The following PRMT1 variants were observed in gnomAD, a reference collection of about 807,000 sequenced individuals.
PRMT1 encodes the protein protein arginine methyltransferase 1.
Under a neutral mutation model 47.4 loss-of-function variants are expected in PRMT1, and 5 were observed. The ratio of observed to expected loss-of-function variants is 0.11; its 90% CI spans 0.06 to 0.22. The LOEUF (loss-of-function observed/expected upper bound fraction) is 0.22, where lower values mean the gene tolerates loss of function less well. PRMT1 is among the 10% of genes least tolerant of loss of function. The pLI, the probability that PRMT1 is intolerant of heterozygous loss-of-function variation, is 1.00. For missense variants in PRMT1, 249 were observed against 518.4 expected (o/e 0.48, Z 5.05); for synonymous variants, 227 against 204.6 (o/e 1.11, Z -0.94).
At chr19:49,683,387 C>CAAA (rs2082150552) in intron 5 of PRMT1, among the ~76,000 whole-genome samples, 1 of 151,828 alleles carries the variant, frequency 6.6e-6, no homozygotes, top group African/African-American at 2.4e-5. Context: ...TCAAAACCAC[C>CAAA]CAGTTAAAAA....
In PRMT1 at chr19:49,684,901, C is replaced by A; in HGVS notation, c.644-21C>A. 2 of 1,604,636 alleles carry A rather than the reference C, an allele frequency of 1.2e-6. No homozygotes were observed. The highest frequency in any genetic ancestry group is 1.7e-6 in the Non-Finnish European group (2 of 1,173,730). On this transcript the variant is annotated intron_variant, in intron 7 of 10. Coordinates refer to ENST00000454376, the MANE Select transcript of PRMT1 (RefSeq NM_001536.6). The surrounding 1 kb of genome is among the most constrained non-coding windows in gnomAD (Gnocchi z 6.2). ...CGGGTGGGCTGCTGCGGGCTCACCCCCTCCCTGCCTGCCTCCCCAGGGTGG... is the reference window on the plus strand; with the variant it reads ...CGGGTGGGCTGCTGCGGGCTCACCCACTCCCTGCCTGCCTCCCCAGGGTGG...
At position 49,680,203 on chromosome 19, in the gene PRMT1, T is replaced by A; in HGVS notation, c.90+278T>A. 7 of 1,593,402 alleles carry A rather than the reference T, an allele frequency of 4.4e-6. No individual in the cohort carries two copies. Among genetic ancestry groups the A allele is most frequent in the Non-Finnish European group, 6.0e-6 (7 of 1,167,504 alleles). On this transcript the variant is annotated intron_variant, in intron 2 of 10. Transcript: ENST00000454376. This position sits in a 1 kb window ranked among gnomAD's most constrained non-coding sequence, Gnocchi z 4.2. ...TCCCCTCCCCTCCCCAGCTGTGGGC[T>A]GAGCTAGAGACGGGGTCAGAGAGAC...
Position 49,685,980 on chromosome 19 carries a change from G to T in PRMT1, c.760-113G>T. On this transcript the variant is annotated intron_variant, in intron 8 of 10. Coordinates refer to ENST00000454376, the MANE Select transcript of PRMT1 (RefSeq NM_001536.6). The surrounding 1 kb of genome is among the most constrained non-coding windows in gnomAD (Gnocchi z 4.7). Reference sequence around the variant, plus strand: ...CGAGGCTGGGTGCCAGTGAGGGAGGGCTAGCAGGAAGGGGACAGCGAGGTC... The same window carrying T: ...CGAGGCTGGGTGCCAGTGAGGGAGGTCTAGCAGGAAGGGGACAGCGAGGTC... 1 of 1,503,394 alleles carries T rather than the reference G, an allele frequency of 6.7e-7. No homozygotes were observed. 93.1% of individuals were successfully genotyped at this position (1,503,394 alleles called of 1,614,324 possible).
intron 9 of PRMT1, 31 bp from the exon 10 acceptor site, chr19:49,686,574 C>T: frequency 1.3e-6 from 2 of 1,598,860 alleles, no homozygotes; most frequent in Non-Finnish European, 1.7e-6. Flanking sequence ...GGGCAGCAGG[C>T]CGAGGCCGGC....
rs376472500 is a variant in PRMT1 at position 49,688,149 on chromosome 19, C to T, written c.1033-13C>T. On this transcript the variant is annotated splice_polypyrimidine_tract_variant and intron_variant, in intron 10 of 10. Coordinates refer to ENST00000454376, the MANE Select transcript of PRMT1 (RefSeq NM_001536.6). The surrounding 1 kb of genome is among the most constrained non-coding windows in gnomAD (Gnocchi z 5.3). ...TGGTGGGTTCCGCCCTCATGCCCCA[C>T]CTCTCCCTGCAGCGGGACCTGGACT... The T allele has an allele frequency of 3.7e-6, 6 of 1,613,572 alleles. No homozygotes were observed. In the African/African-American group the frequency reaches 5.3e-5, roughly 14 times the overall value.
chr19:49,680,239 G>A lies in PRMT1; in HGVS notation c.91-248G>A. On this transcript the variant is annotated intron_variant, in intron 2 of 10. Coordinates refer to ENST00000454376, the MANE Select transcript of PRMT1 (RefSeq NM_001536.6). This position sits in a 1 kb window ranked among gnomAD's most constrained non-coding sequence, Gnocchi z 4.2. ...CGGGGTCAGAGAGACTGGAGAGATG[G>A]TAGGCGTGGCTGAGGTATCGGGGTG... 1 of 1,591,714 alleles carries A rather than the reference G, an allele frequency of 6.3e-7. No homozygotes were observed. Among genetic ancestry groups the A allele is most frequent in the Non-Finnish European group, 8.6e-7 (1 of 1,163,504 alleles).
rs1238745399 is a variant in PRMT1 at position 49,684,796 on chromosome 19, G to C, written c.598G>C (p.Val200Leu). 6.3e-7 allele frequency: 1 copy of C among 1,583,872 alleles called. No individual in the cohort carries two copies. The highest frequency in any genetic ancestry group is 2.3e-5 in the East Asian group (1 of 43,204). Residue 200 changes from valine to leucine, a missense_variant, in exon 7 of 11, where the codon GTG becomes CTG. Val to Leu is a conservative substitution (Grantham distance 32). This residue lies in a region of PRMT1 where 190 missense variants were observed against 456.7 expected (regional missense o/e 0.42). Transcript: ENST00000454376. The surrounding 1 kb of genome is among the most constrained non-coding windows in gnomAD (Gnocchi z 6.2). The stretch of plus-strand genomic sequence containing the variant: ...CTTCCCAGACCGGGCCACGCTGTAT[G>C]TGACGGCCATCGAGGACCGGCAGTA... ...LIFPDRATLYVTAIEDRQYKD... is the reference protein window; with the variant it reads ...LIFPDRATLYLTAIEDRQYKD...
Position 49,688,278 on chromosome 19 carries a change from G to A in PRMT1, c.*33G>A. On this transcript the variant is annotated 3_prime_UTR_variant, in exon 11 of 11. Transcript: ENST00000454376. This position sits in a 1 kb window ranked among gnomAD's most constrained non-coding sequence, Gnocchi z 5.3. ...CTCTCCCGCCCTGCACGAGCCCAGGGGCTGAGCGTTCCTAGGCGGTTTCGG... is the reference window on the plus strand; with the variant it reads ...CTCTCCCGCCCTGCACGAGCCCAGGAGCTGAGCGTTCCTAGGCGGTTTCGG... 2 of 1,607,208 alleles carry A rather than the reference G, an allele frequency of 1.2e-6. No homozygotes were observed. The highest frequency in any genetic ancestry group is 1.7e-6 in the Non-Finnish European group (2 of 1,174,888).
rs762112427 is a variant in PRMT1 at position 49,682,291 on chromosome 19, G to C, written c.412+32G>C. On this transcript the variant is annotated intron_variant, in intron 5 of 10. Coordinates refer to ENST00000454376, the MANE Select transcript of PRMT1 (RefSeq NM_001536.6). ...CCAGAAAGAGGATGGGTTTGTGGGA[G>C]TGGAGGGGGTGATGCCCTGCTTCCC... 106 of 1,605,034 alleles carry C rather than the reference G, an allele frequency of 6.6e-5. No individual in the cohort carries two copies. In the Admixed American group the frequency reaches 1.4e-3, roughly 21 times the overall value.
chr19:49,685,788 G>T lies in PRMT1; in HGVS notation c.760-305G>T. 1 of 1,202,394 alleles carries T rather than the reference G, an allele frequency of 8.3e-7. No individual in the cohort carries two copies. The highest frequency in any genetic ancestry group is 1.0e-6 in the Non-Finnish European group (1 of 962,784). 74.5% of individuals were successfully genotyped at this position (1,202,394 alleles called of 1,614,324 possible). A position where few individuals can be genotyped will look rare whatever the true frequency, so the allele number is the denominator to read the frequency against. On this transcript the variant is annotated intron_variant, in intron 8 of 10. Coordinates refer to ENST00000454376, the MANE Select transcript of PRMT1 (RefSeq NM_001536.6). This position sits in a 1 kb window ranked among gnomAD's most constrained non-coding sequence, Gnocchi z 4.7. ...CATCATGTTGTTGGACTTGTCAAGG[G>T]GTTGGGGAGACAGTGGAGTGGGGCG...
chr19:49,679,734 G>T (rs2082087546), intron 1 of PRMT1, 138 bp from the exon 2 acceptor site: 5 of 646,968 alleles, frequency 7.7e-6, no homozygotes, highest in African/African-American at 1.9e-5. Flanking sequence ...CTCATTACTT[G>T]CCCCCTTCGC....
At position 49,685,341 on chromosome 19, in the gene PRMT1, A is replaced by T; in HGVS notation, c.759+304A>T. 7.6e-7 allele frequency: 1 copy of T among 1,309,078 alleles called. No individual in the cohort carries two copies. Among genetic ancestry groups the T allele is most frequent in the Non-Finnish European group, 9.8e-7 (1 of 1,018,808 alleles). The allele number at this position is 1,309,078 out of a possible 1,614,324, so 81.1% of individuals were successfully genotyped here. On this transcript the variant is annotated intron_variant, in intron 8 of 10. Transcript: ENST00000454376. The surrounding 1 kb of genome is among the most constrained non-coding windows in gnomAD (Gnocchi z 4.7). ...GGACCCCAGGGCGATGAGCGGATGCACATGCACGCGGGCCACTGCAGAAGA... is the reference window on the plus strand; with the variant it reads ...GGACCCCAGGGCGATGAGCGGATGCTCATGCACGCGGGCCACTGCAGAAGA...
Position 49,680,346 on chromosome 19 carries a change from G to A in PRMT1, c.91-141G>A, listed in dbSNP as rs993547248. ...TTTGGGGTTCCTGGGGGGGCAAGATGGCAGGCGGGGGCTGTAGGGTTGTCA... is the reference window on the plus strand; with the variant it reads ...TTTGGGGTTCCTGGGGGGGCAAGATAGCAGGCGGGGGCTGTAGGGTTGTCA... On this transcript the variant is annotated intron_variant, in intron 2 of 10. Transcript: ENST00000454376. This position sits in a 1 kb window ranked among gnomAD's most constrained non-coding sequence, Gnocchi z 4.2. 17 of 1,051,354 alleles carry A rather than the reference G, an allele frequency of 1.6e-5. No homozygotes were observed. The East Asian group carries it at 4.0e-4, about 25-fold the overall frequency. The allele number at this position is 1,051,354 out of a possible 1,614,324, so 65.1% of individuals were successfully genotyped here.
intron 1 of PRMT1, 38 bp downstream of exon 1, chr19:49,677,354 T>C: frequency 2.9e-6 from 4 of 1,368,778 alleles, no homozygotes; most frequent in Non-Finnish European, 3.8e-6. Context: ...GGGAGGCGGC[T>C]TTGGGTCGGT....
rs1430146054 is a variant in PRMT1 at position 49,681,468 on chromosome 19, T to C, written c.193-442T>C. Among the ~76,000 whole-genome samples, 1 of 151,924 alleles carries C rather than the reference T, an allele frequency of 6.6e-6. No individual in the cohort carries two copies. Among genetic ancestry groups the C allele is most frequent in the Non-Finnish European group, 1.5e-5 (1 of 67,970 alleles). On this transcript the variant is annotated intron_variant, in intron 3 of 10. Transcript: ENST00000454376. The surrounding 1 kb of genome is among the most constrained non-coding windows in gnomAD (Gnocchi z 4.4). Reference sequence around the variant, plus strand: ...AAAAAGGGAAACTGGCTGGGCGCAGTGGTTCACGCCTGTAATCCCAGCACT... The same window carrying C: ...AAAAAGGGAAACTGGCTGGGCGCAGCGGTTCACGCCTGTAATCCCAGCACT...
rs1360777771 is a variant in PRMT1, at chr19:49,684,236, G to A, written c.555+167G>A. On this transcript the variant is annotated intron_variant, in intron 6 of 10. Transcript: ENST00000454376. This position sits in a 1 kb window ranked among gnomAD's most constrained non-coding sequence, Gnocchi z 6.2. ...GTGTGACAGACCCTGGAGGGAGATG[G>A]TGCGATGTGGGGGAGGTCGTAGGAA... 6.6e-6 allele frequency among the ~76,000 whole-genome samples: 1 copy of A among 152,026 alleles called. No individual in the cohort carries two copies. The highest frequency in any genetic ancestry group is 1.5e-5 in the Non-Finnish European group (1 of 67,998).
Position 49,688,395 on chromosome 19 carries a change from C to T in PRMT1, c.*150C>T. The T allele has an allele frequency of 1.4e-6, 1 of 692,474 alleles. No homozygotes were observed. Among genetic ancestry groups the T allele is most frequent in the Non-Finnish European group, 2.5e-6 (1 of 403,346 alleles). The allele number at this position is 692,474 out of a possible 1,614,324, so 42.9% of individuals were successfully genotyped here. On this transcript the variant is annotated 3_prime_UTR_variant, in exon 11 of 11. Coordinates refer to ENST00000454376, the MANE Select transcript of PRMT1 (RefSeq NM_001536.6). The surrounding 1 kb of genome is among the most constrained non-coding windows in gnomAD (Gnocchi z 5.3). ...GAGGGCACATCGTGACTGTGTTTTT[C>T]ATAACTTATGTTTTTATATGGTTGC... is the stretch of plus-strand genomic sequence containing the variant.
At chr19:49,683,711 A>G (rs2082159229) in intron 5 of PRMT1, 1 of 501,150 alleles carries the variant, frequency 2.0e-6, no homozygotes, top group South Asian at 2.5e-5. Context: ...AAAAAAAAGT[A>G]ACATCACCTG....
rs1361809693 is a variant in PRMT1 at position 49,686,367 on chromosome 19, C to T, written c.910+124C>T. 3.7e-6 allele frequency: 5 copies of T among 1,362,056 alleles called. No homozygotes were observed. The Admixed American group carries it at 1.0e-4, about 28-fold the overall frequency. 84.4% of individuals were successfully genotyped at this position (1,362,056 alleles called of 1,614,324 possible). On this transcript the variant is annotated intron_variant, in intron 9 of 10. Transcript: ENST00000454376. Reference sequence around the variant, plus strand: ...GGGGACACGCGTGTTCCAGTGTGAGCTCTGCCATGTAGCAGTCACGTGGCC... The same window carrying T: ...GGGGACACGCGTGTTCCAGTGTGAGTTCTGCCATGTAGCAGTCACGTGGCC...
Sources: gnomAD v4.1 joint callset for allele counts (sites outside exome capture counted in the v4.1 genomes callset) on GRCh38, gnomAD v4.1.1 for gene constraint, gnomAD v4.1.1 regional missense constraint, Gnocchi (gnomAD v3.1) non-coding constraint, MANE v1.5 for transcripts, NCBI Gene and HGNC (gene_info 2026-07-23, HGNC 2026-07-21) for gene names.